CPEB1: variants seen among roughly 807,000 people sequenced by gnomAD.
The protein encoded by CPEB1 is cytoplasmic polyadenylation element binding protein 1.
CPEB1 carries 7 observed loss-of-function variants against 65.8 expected under a neutral mutation model. The ratio of observed to expected loss-of-function variants is 0.11; its 90% CI spans 0.06 to 0.20. The LOEUF (loss-of-function observed/expected upper bound fraction) is 0.20, where lower values mean the gene tolerates loss of function less well. Among genes scored for constraint, CPEB1 ranks in the 10% least tolerant of loss-of-function variants. The pLI, the probability that CPEB1 is intolerant of heterozygous loss-of-function variation, is 1.00. For missense variants in CPEB1, 551 were observed against 712.2 expected (o/e 0.77, Z 2.58); for synonymous variants, 262 against 260.0 (o/e 1.01, Z -0.08).
intron 3 of CPEB1, among the ~76,000 whole-genome samples, chr15:82,579,918 C>CAAAAAA (rs59925251): frequency 1.5e-4 from 5 of 32,678 alleles, no homozygotes; most frequent in African/African-American, 3.1e-4. Flanking sequence ...GACTCCGTCT[C>CAAAAAA]AAAAAAAAAA....
At position 82,543,710 on chromosome 15, in the gene CPEB1, C is replaced by T. The variant is rs1285800476; in HGVS notation, c.*882G>A. 4 of 151,940 alleles carry T rather than the reference C, an allele frequency of 2.6e-5. No individual in the cohort carries two copies. Among genetic ancestry groups the T allele is most frequent in the Admixed American group, 6.6e-5 (1 of 15,230 alleles). 9.4% of individuals were successfully genotyped at this position (151,940 alleles called of 1,614,324 possible). On this transcript the variant is annotated 3_prime_UTR_variant, in exon 13 of 13. Transcript: ENST00000684509. ...CTTTGTGATTAAAAACTTCTATCAA[C>T]CCCACCCCCCCACATAAGTGCAACT...
At chr15:82,547,966 G>A (rs939056060) in intron 10 of CPEB1, among the ~76,000 whole-genome samples, 27 of 152,126 alleles carry the variant, frequency 1.8e-4, no homozygotes, top group Admixed American at 1.5e-3. Flanking sequence ...AAGCCATCAT[G>A]GTCAGCCCTT....
At chr15:82,580,172 T>C (rs2041128660) in intron 3 of CPEB1, among the ~76,000 whole-genome samples, 1 of 151,100 alleles carries the variant, frequency 6.6e-6, no homozygotes, top group African/African-American at 2.4e-5. Flanking sequence ...ATACTAAAAA[T>C]TAGCTGGGCA....
chr15:82,635,565 C>G (rs571635811), intron 1 of CPEB1, among the ~76,000 whole-genome samples: 16 of 152,212 alleles, frequency 1.1e-4, no homozygotes, highest in African/African-American at 3.9e-4. Flanking sequence ...CTTTTTCAAC[C>G]AACAAAATGG....
intron 3 of CPEB1, among the ~76,000 whole-genome samples, chr15:82,620,190 C>T (rs947464089): frequency 6.6e-6 from 1 of 152,020 alleles, no homozygotes; most frequent in Non-Finnish European, 1.5e-5. Flanking sequence ...AGGCGGATCA[C>T]GAGGTCAGGA....
At chr15:82,643,782 C>T (rs1002034369) in intron 1 of CPEB1, among the ~76,000 whole-genome samples, 2 of 152,030 alleles carry the variant, frequency 1.3e-5, no homozygotes, top group Non-Finnish European at 2.9e-5. Context: ...TTTTATGCCC[C>T]GGGAGCTTAT....
intron 2 of CPEB1, 123 bp downstream of exon 2, chr15:82,628,241 T>G (rs1484460362): frequency 1.4e-6 from 1 of 702,892 alleles, no homozygotes; most frequent in African/African-American, 1.7e-5. Flanking sequence ...TGTACATGAC[T>G]TCACAGATTT....
intron 1 of CPEB1, among the ~76,000 whole-genome samples, chr15:82,635,254 T>C (rs1293426371): frequency 1.3e-5 from 2 of 152,220 alleles, no homozygotes; most frequent in African/African-American, 4.8e-5. Flanking sequence ...AGAGCCCTTA[T>C]ATGAACACTC....
intron 3 of CPEB1, among the ~76,000 whole-genome samples, chr15:82,607,519 A>G (rs2043733424): frequency 6.6e-6 from 1 of 152,166 alleles, no homozygotes; most frequent in Non-Finnish European, 1.5e-5. Context: ...ACTGGGAAGC[A>G]GAAGTTGCAG....
At chr15:82,552,390 C>T in intron 9 of CPEB1, 90 bp downstream of exon 9, 1 of 1,332,426 alleles carries the variant, frequency 7.5e-7, no homozygotes, top group Non-Finnish European at 1.0e-6. Context: ...TACTCCTTGC[C>T]TGCAGCCTGC....
Position 82,546,605 on chromosome 15 carries a change from CCA to C in CPEB1, c.1576-86_1576-85del, listed in dbSNP as rs1192627981. 5 of 979,248 alleles carry C rather than the reference CCA, an allele frequency of 5.1e-6. 1 individual carries two copies. In the South Asian group the frequency reaches 5.3e-5, roughly 10 times the overall value. 60.7% of individuals were successfully genotyped at this position (979,248 alleles called of 1,614,324 possible). A position where few individuals can be genotyped will look rare whatever the true frequency, so the allele number is the denominator to read the frequency against. On this transcript the variant is annotated intron_variant, in intron 11 of 12. Coordinates refer to ENST00000684509, the MANE Select transcript of CPEB1 (RefSeq NM_001365242.1). The stretch of plus-strand genomic sequence containing the variant: ...CGATAGAAGAAGGGCACATTATTGG[CCA>C]CACACAGGAATGCGGGATATTGGAA...
intron 3 of CPEB1, among the ~76,000 whole-genome samples, chr15:82,602,585 C>T (rs954899683): frequency 6.6e-6 from 1 of 152,170 alleles, no homozygotes; most frequent in African/African-American, 2.4e-5. Context: ...GTGGCTCACA[C>T]CTCTAATCCC....
rs1280189466 is a variant in CPEB1 at position 82,627,076 on chromosome 15, T to G, written c.271+117A>C. 1.8e-5 allele frequency: 14 copies of G among 777,562 alleles called. No homozygotes were observed. The South Asian group carries it at 1.9e-4, about 11-fold the overall frequency. The allele number at this position is 777,562 out of a possible 1,614,324, so 48.2% of individuals were successfully genotyped here. ...AACTAAACCACAAAAAGGCAAGTAT[T>G]GCCAGCAACTCAACATTGTTCTTCA... On this transcript the variant is annotated intron_variant, in intron 3 of 12. Coordinates refer to ENST00000684509, the MANE Select transcript of CPEB1 (RefSeq NM_001365242.1).
At chr15:82,608,690 C>G (rs1264324325) in intron 3 of CPEB1, among the ~76,000 whole-genome samples, 1 of 152,116 alleles carries the variant, frequency 6.6e-6, no homozygotes, top group African/African-American at 2.4e-5. Flanking sequence ...TGCTAGTGTT[C>G]TCATTGGTTT....
At chr15:82,579,069 C>T (rs2040962104) in intron 3 of CPEB1, among the ~76,000 whole-genome samples, 1 of 152,094 alleles carries the variant, frequency 6.6e-6, no homozygotes, top group Non-Finnish European at 1.5e-5. Flanking sequence ...GTGATCTACC[C>T]ACCTCGGCCT....
chr15:82,639,145 A>G (rs1424610487), intron 1 of CPEB1, among the ~76,000 whole-genome samples: 1 of 152,202 alleles, frequency 6.6e-6, no homozygotes, highest in Non-Finnish European at 1.5e-5. Context: ...GTTCCTTATC[A>G]ATAGCATATA....
intron 3 of CPEB1, among the ~76,000 whole-genome samples, chr15:82,607,263 T>C (rs780808605): frequency 6.6e-6 from 1 of 152,154 alleles, no homozygotes; most frequent in Non-Finnish European, 1.5e-5. Flanking sequence ...AAATATATAC[T>C]GCACAACAGG....
rs1361276650 is a variant in CPEB1, at chr15:82,556,112, C to T, written c.698G>A (p.Arg233His). The T allele has an allele frequency of 2.1e-5, 33 of 1,602,552 alleles. No individual in the cohort carries two copies. Among genetic ancestry groups the T allele is most frequent in the Non-Finnish European group, 2.6e-5 (30 of 1,175,868 alleles). Residue 233 changes from arginine (R) to histidine (H), a missense_variant, in exon 6 of 13, where the codon CGC becomes CAC. By Grantham distance (29) the Arg-to-His change is conservative. Around this residue, in one of 6 missense-constraint regions of CPEB1, gnomAD observed 128 missense variants for 129.1 expected, o/e 0.99. Transcript: ENST00000684509. ...CAGGAAGGGCAGAGGTGGAGAAATG[C>T]GAAGGCTTGACTAGGGGAGGAAAAA... ...DHLSDLISSL[R>H]ISPPLPFLSL...
At chr15:82,582,729 T>C (rs1381524724) in intron 3 of CPEB1, among the ~76,000 whole-genome samples, 3 of 144,976 alleles carry the variant, frequency 2.1e-5, no homozygotes, top group African/African-American at 7.7e-5. Flanking sequence ...CCCATCATAC[T>C]AGGAGTTCTT....
Sources: gnomAD v4.1 joint callset for allele counts (sites outside exome capture counted in the v4.1 genomes callset) on GRCh38, gnomAD v4.1.1 for gene constraint, gnomAD v4.1.1 regional missense constraint, MANE v1.5 for transcripts, NCBI Gene and HGNC (gene_info 2026-07-23, HGNC 2026-07-21) for gene names.